SPTBN1: variants seen among roughly 807,000 people sequenced by gnomAD.
The protein encoded by SPTBN1 is spectrin beta, non-erythrocytic 1.
A neutral mutation model predicts 266.4 loss-of-function variants in SPTBN1; 32 were observed. That is an observed-to-expected ratio of 0.12 (90% CI 0.09 to 0.16). The LOEUF is 0.16. Ranked by LOEUF, SPTBN1 falls within the 10% of genes least tolerant of loss-of-function variation. The pLI, the probability that SPTBN1 is intolerant of heterozygous loss-of-function variation, is 1.00. For synonymous variants in SPTBN1, 1,336 were observed against 1,162.2 expected, an observed-to-expected ratio of 1.15 and a Z score of -3.04; for missense variants, 2,296 against 3,067.1, an observed-to-expected ratio of 0.75 and a Z score of 5.94.
chr2:54,633,312 T>G (rs1422202787), intron 17 of SPTBN1, among the ~76,000 whole-genome samples: 1 of 152,226 alleles, frequency 6.6e-6, no homozygotes, highest in Non-Finnish European at 1.5e-5. Context: ...GATGGAGAGG[T>G]AAATAAGAGC....
chr2:54,472,434 T>C (rs1323917328), intron 1 of SPTBN1, among the ~76,000 whole-genome samples: 5 of 152,172 alleles, frequency 3.3e-5, no homozygotes, highest in African/African-American at 1.2e-4. Context: ...TCAGAGGCAT[T>C]GGTTACTTTG....
At chr2:54,578,455 A>AGCTGCTGCT (rs147088727) in intron 2 of SPTBN1, among the ~76,000 whole-genome samples, 2 of 152,078 alleles carry the variant, frequency 1.3e-5, no homozygotes, top group African/African-American at 2.4e-5. Context: ...GTTTCCGGTT[A>AGCTGCTGCT]GCTGCTGCTG....
chr2:54,544,633 C>T (rs1477453856), intron 2 of SPTBN1, among the ~76,000 whole-genome samples: 2 of 152,018 alleles, frequency 1.3e-5, no homozygotes, highest in Non-Finnish European at 2.9e-5. Flanking sequence ...AAATGTCAAA[C>T]ATTTATTTGT....
chr2:54,659,328 G>T, intron 31 of SPTBN1, 62 bp downstream of exon 31: 2 of 1,522,440 alleles, frequency 1.3e-6, no homozygotes, highest in Non-Finnish European at 1.8e-6. Flanking sequence ...GGTTTATGGG[G>T]CATCTTTCTG....
At position 54,533,348 on chromosome 2, in the gene SPTBN1, TAGTGTGTG is replaced by T. The variant is rs1341634968; in HGVS notation, c.148+6783_148+6790del. ...AAGTGAAACCCAGGCTAAAGGGGAC[TAGTGTGTG>T]TGTGTGTGTGTGTGTGTGTGTGTGT... On this transcript the variant is annotated intron_variant, in intron 2 of 35. Transcript: ENST00000356805. The surrounding 1 kb of genome is among the most constrained non-coding windows in gnomAD (Gnocchi z 4.2). Among the ~76,000 whole-genome samples the T allele has an allele frequency of 1.7e-5, 2 of 119,610 alleles. No individual in the cohort carries two copies. The highest frequency in any genetic ancestry group is 1.7e-4 in the Admixed American group (2 of 11,486). 78.5% of individuals were successfully genotyped at this position (119,610 alleles called of 152,430 possible).
intron 20 of SPTBN1, 74 bp downstream of exon 20, chr2:54,644,660 C>G (rs1679803873): frequency 6.6e-7 from 1 of 1,513,392 alleles, no homozygotes; most frequent in Non-Finnish European, 8.9e-7. Context: ...CTTTTCTCAC[C>G]CACTGCATTA....
chr2:54,625,121 A>T (rs4426562), intron 11 of SPTBN1, among the ~76,000 whole-genome samples, 159 bp downstream of exon 11: 20,693 of 152,176 alleles, frequency 0.14, 1,486 homozygotes, highest in Middle Eastern at 0.23. Context: ...GAGGATGTTT[A>T]TAATTTCTAA....
chr2:54,651,618 A>G (rs188767264), intron 26 of SPTBN1, among the ~76,000 whole-genome samples: 314 of 152,332 alleles, frequency 2.1e-3, no homozygotes, highest in South Asian at 0.014. Context: ...ATGCAAAGCA[A>G]TAGTTCATAT....
At chr2:54,575,829 G>C (rs1674422793) in intron 2 of SPTBN1, among the ~76,000 whole-genome samples, 1 of 152,216 alleles carries the variant, frequency 6.6e-6, no homozygotes, top group Admixed American at 6.5e-5. Flanking sequence ...AATGTGTACA[G>C]ACATTTGAGA....
In SPTBN1 at chr2:54,624,847, C is replaced by T. The variant is rs1678222579; in HGVS notation, c.1226C>T (p.Ala409Val). The T allele has an allele frequency of 1.2e-6, 2 of 1,614,062 alleles. No individual in the cohort carries two copies. The highest frequency in any genetic ancestry group is 2.2e-5 in the East Asian group (1 of 44,894). ...LEKAEHEREL[A>V]LRNELIRQEK... ...AAAGCGGAACACGAAAGAGAACTGGCTTTGCGGAATGAGCTCATAAGACAG... is the reference window on the plus strand; with the variant it reads ...AAAGCGGAACACGAAAGAGAACTGGTTTTGCGGAATGAGCTCATAAGACAG... Residue 409 changes from alanine (A) to valine (V), a missense_variant, in exon 11 of 36, where the codon GCT becomes GTT. By Grantham distance (64) the Ala-to-Val change is moderately conservative. Coordinates refer to ENST00000356805, the MANE Select transcript of SPTBN1 (RefSeq NM_003128.3).
intron 1 of SPTBN1, among the ~76,000 whole-genome samples, chr2:54,508,026 A>G (rs931265419): frequency 6.6e-6 from 1 of 152,126 alleles, no homozygotes; most frequent in African/African-American, 2.4e-5. Context: ...CATCAGGGTG[A>G]AAGTATTGGA....
intron 1 of SPTBN1, among the ~76,000 whole-genome samples, chr2:54,458,668 C>T (rs1282240120): frequency 2.0e-5 from 3 of 152,096 alleles, no homozygotes; most frequent in South Asian, 2.1e-4. Flanking sequence ...TGTTTAGTCT[C>T]GGCCAGGACA....
At chr2:54,565,913 G>C (rs1481621853) in intron 2 of SPTBN1, among the ~76,000 whole-genome samples, 1 of 152,170 alleles carries the variant, frequency 6.6e-6, no homozygotes, top group Non-Finnish European at 1.5e-5. Flanking sequence ...AGTAAATATA[G>C]TACAGCAATT....
intron 2 of SPTBN1, among the ~76,000 whole-genome samples, chr2:54,537,800 G>A (rs1430974671): frequency 6.6e-6 from 1 of 152,154 alleles, no homozygotes; most frequent in Non-Finnish European, 1.5e-5. Flanking sequence ...ATCTGCTCCT[G>A]GGCTTCACTC....
intron 1 of SPTBN1, among the ~76,000 whole-genome samples, chr2:54,474,348 A>G (rs1667693901): frequency 6.6e-6 from 1 of 152,142 alleles, no homozygotes. Flanking sequence ...TGGAGGCAAT[A>G]CAGTGTGTAG....
chr2:54,584,493 G>T (rs892142899), intron 2 of SPTBN1, among the ~76,000 whole-genome samples: 1 of 152,118 alleles, frequency 6.6e-6, no homozygotes, highest in Non-Finnish European at 1.5e-5. Context: ...ACATGTGAGT[G>T]TCCTAGTTTC....
chr2:54,565,567 T>C (rs1673609498), intron 2 of SPTBN1, among the ~76,000 whole-genome samples: 1 of 152,138 alleles, frequency 6.6e-6, no homozygotes, highest in Non-Finnish European at 1.5e-5. Flanking sequence ...GTGTAGGCTC[T>C]AAGGATAGTT....
At chr2:54,589,168 A>AG (rs1168103993) in intron 2 of SPTBN1, among the ~76,000 whole-genome samples, 1 of 152,206 alleles carries the variant, frequency 6.6e-6, no homozygotes, top group African/African-American at 2.4e-5. Context: ...TCATCTTAGA[A>AG]GAGGTAGTTG....
In SPTBN1 at chr2:54,622,390, A is replaced by T; in HGVS notation, c.967A>T (p.Ile323Phe). Residue 323 changes from isoleucine (I) to phenylalanine (F), a missense_variant, in exon 9 of 36, where the codon ATC becomes TTC. Transcript: ENST00000356805. ...TCTGGAATGGATTGAACAAACCATC[A>T]TCATTCTGAACAATCGCAAATTTGC... ...DLLEWIEQTI[I>F]ILNNRKFANS... is the part of the protein sequence containing the mutation. 1 of 1,614,236 alleles carries T rather than the reference A, an allele frequency of 6.2e-7. No homozygotes were observed. The highest frequency in any genetic ancestry group is 8.5e-7 in the Non-Finnish European group (1 of 1,180,036).
Sources: gnomAD v4.1 joint callset for allele counts (sites outside exome capture counted in the v4.1 genomes callset) on GRCh38, gnomAD v4.1.1 for gene constraint, Gnocchi (gnomAD v3.1) non-coding constraint, MANE v1.5 for transcripts, NCBI Gene and HGNC (gene_info 2026-07-23, HGNC 2026-07-21) for gene names.